The following RFC3 variants were observed in gnomAD, a reference collection of about 807,000 sequenced individuals.
RFC3 encodes replication factor C subunit 3.
A neutral mutation model predicts 45.1 loss-of-function variants in RFC3; 41 were observed. The observed-to-expected ratio is 0.91, with a 90% CI of 0.71 to 1.18. RFC3 has a LOEUF of 1.18. Among genes scored for constraint, RFC3 ranks in the 50% most tolerant of loss-of-function variants. RFC3 has a pLI of 0.00. For missense variants in RFC3, 423 were observed against 428.1 expected, an observed-to-expected ratio of 0.99 and a Z score of 0.10; for synonymous variants, 149 against 144.0, an observed-to-expected ratio of 1.03 and a Z score of -0.25.
At chr13:33,838,356 C>T (rs765419800), downstream of RFC3, among the ~76,000 whole-genome samples, 5 of 152,014 alleles carry the variant, frequency 3.3e-5, no homozygotes, top group Non-Finnish European at 7.4e-5. Flanking sequence ...TTTCTTATAG[C>T]GTACGTCTGC....
chr13:33,843,464 G>A (rs1321598190), intron 8 of RFC3, among the ~76,000 whole-genome samples: 4 of 152,160 alleles, frequency 2.6e-5, no homozygotes, highest in African/African-American at 7.2e-5. Flanking sequence ...ATGGCCCACT[G>A]AAGTTACCTT....
chr13:33,915,749 G>A (rs756436570), intron 8 of RFC3, among the ~76,000 whole-genome samples: 44 of 151,778 alleles, frequency 2.9e-4, no homozygotes, highest in Non-Finnish European at 4.4e-4. Context: ...AAAATTATTC[G>A]TAATGATTCA....
chr13:33,828,206 C>G (rs3135586), intron 4 of RFC3, among the ~76,000 whole-genome samples: 9 of 152,092 alleles, frequency 5.9e-5, no homozygotes, highest in Admixed American at 5.9e-4. Flanking sequence ...GAGCTCTATT[C>G]CCTATCTTAT....
chr13:33,925,122 A>ATATATACATGCATATATAGTGTAC (rs2082796600), intron 8 of RFC3, among the ~76,000 whole-genome samples: 2 of 142,572 alleles, frequency 1.4e-5, no homozygotes, highest in Non-Finnish European at 3.0e-5. Flanking sequence ...TATAGTGTAC[A>ATATATACATGCATATATAGTGTAC]TATATACATG....
At chr13:33,872,695 T>C (rs2082418502) in intron 8 of RFC3, among the ~76,000 whole-genome samples, 2 of 151,654 alleles carry the variant, frequency 1.3e-5, no homozygotes, top group Admixed American at 1.3e-4. Context: ...ATGGCACCAC[T>C]GTACTCCAGG....
intron 8 of RFC3, among the ~76,000 whole-genome samples, chr13:33,879,156 C>T (rs1001709427): frequency 6.6e-6 from 1 of 152,174 alleles, no homozygotes; most frequent in South Asian, 2.1e-4. Context: ...TCTGCAGAAA[C>T]ACATTAAACC....
intron 8 of RFC3, among the ~76,000 whole-genome samples, chr13:33,918,327 A>G (rs1051263774): frequency 2.6e-5 from 4 of 152,156 alleles, no homozygotes; most frequent in Non-Finnish European, 5.9e-5. Flanking sequence ...TACCTTCGCT[A>G]CAGTACCAGT....
downstream of RFC3, among the ~76,000 whole-genome samples, chr13:33,969,658 C>G (rs149539330): frequency 6.6e-6 from 1 of 152,102 alleles, no homozygotes; most frequent in Non-Finnish European, 1.5e-5. Context: ...TAGAAAGATT[C>G]GACCTGAAAG....
At chr13:33,888,556 A>G (rs189446954) in intron 8 of RFC3, among the ~76,000 whole-genome samples, 2 of 152,338 alleles carry the variant, frequency 1.3e-5, no homozygotes, top group African/African-American at 4.8e-5. Context: ...ATTCCTGTAT[A>G]CAATAGATGC....
chr13:33,869,793 C>T (rs1474878166), intron 8 of RFC3, among the ~76,000 whole-genome samples: 1 of 152,136 alleles, frequency 6.6e-6, no homozygotes. Flanking sequence ...AGCATATGTC[C>T]GGTGTCTTAA....
chr13:33,945,176 T>A (rs1391344572), intron 8 of RFC3, among the ~76,000 whole-genome samples: 1 of 152,206 alleles, frequency 6.6e-6, no homozygotes, highest in Non-Finnish European at 1.5e-5. Context: ...TCTTTCATAC[T>A]ATTATTTCCA....
intron 8 of RFC3, among the ~76,000 whole-genome samples, chr13:33,894,393 C>A (rs1486786532): frequency 2.0e-5 from 3 of 152,180 alleles, no homozygotes; most frequent in African/African-American, 7.2e-5. Context: ...CTGATCTTAC[C>A]TCACAGGAGA....
At chr13:33,837,606 T>C (rs1333173370), downstream of RFC3, 1 of 152,136 alleles carries the variant, frequency 6.6e-6, no homozygotes, top group African/African-American at 2.4e-5. Flanking sequence ...AAAAAGTTGC[T>C]TAACTTTCCT....
At position 33,850,711 on chromosome 13, in the gene RFC3, G is replaced by A. The variant is rs918581909; in HGVS notation, c.879+15494G>A. 2.0e-5 allele frequency: 3 copies of A among 152,148 alleles called. No individual in the cohort carries two copies. In the East Asian group the frequency reaches 5.8e-4, roughly 29 times the overall value. The allele number at this position is 152,148 out of a possible 1,614,324, so 9.4% of individuals were successfully genotyped here. On this transcript the variant is annotated intron_variant, in intron 8 of 8. Transcript: ENST00000434425. ...GTTTTGAAAATACAGTTAACTTACA[G>A]GACAAACTCATTTTATGCTGTTTTT...
intron 8 of RFC3, among the ~76,000 whole-genome samples, chr13:33,939,464 GCT>G (rs533335067): frequency 1.5e-4 from 23 of 152,268 alleles, no homozygotes; most frequent in African/African-American, 5.5e-4. Flanking sequence ...GGGTAAGGAG[GCT>G]CTCTCTGTGT....
intron 2 of RFC3, among the ~76,000 whole-genome samples, chr13:33,822,446 A>C (rs2082011883): frequency 6.6e-6 from 1 of 152,234 alleles, no homozygotes. Flanking sequence ...GACTAGCTAA[A>C]GTAATTATGA....
intron 8 of RFC3, among the ~76,000 whole-genome samples, chr13:33,925,472 CTATA>C (rs1333152623): frequency 7.4e-6 from 1 of 134,890 alleles, no homozygotes; most frequent in African/African-American, 3.0e-5. Flanking sequence ...ACATAGTGTA[CTATA>C]TACATACATA....
intron 8 of RFC3, among the ~76,000 whole-genome samples, chr13:33,944,834 AG>A (rs1366277979): frequency 1.3e-5 from 2 of 152,176 alleles, no homozygotes; most frequent in African/African-American, 4.8e-5. Flanking sequence ...TCAAGGAAAC[AG>A]TGGGGGCAAA....
At chr13:33,845,153 T>C (rs2082228258) in intron 8 of RFC3, among the ~76,000 whole-genome samples, 1 of 152,240 alleles carries the variant, frequency 6.6e-6, no homozygotes, top group Non-Finnish European at 1.5e-5. Context: ...GCCAGACATA[T>C]TGGAGCCCCA....
Sources: gnomAD v4.1 joint callset for allele counts (sites outside exome capture counted in the v4.1 genomes callset) on GRCh38, gnomAD v4.1.1 for gene constraint, MANE v1.5 for transcripts, NCBI Gene and HGNC (gene_info 2026-07-23, HGNC 2026-07-21) for gene names.